ZNF407: variants seen among roughly 807,000 people sequenced by gnomAD.
The protein encoded by ZNF407 is zinc finger protein 407.
A neutral mutation model predicts 131.2 loss-of-function variants in ZNF407; 17 were observed. The ratio of observed to expected loss-of-function variants is 0.13; its 90% CI spans 0.09 to 0.19. The LOEUF is 0.19. Among genes scored for constraint, ZNF407 ranks in the 10% least tolerant of loss-of-function variants. ZNF407 has a pLI of 1.00. For missense variants in ZNF407, 2,681 were observed against 2,830.6 expected (o/e 0.95, Z 1.20); for synonymous variants, 1,156 against 1,062.0 (o/e 1.09, Z -1.72).
At chr18:74,917,162 T>G (rs549865369) in intron 7 of ZNF407, among the ~76,000 whole-genome samples, 1 of 152,254 alleles carries the variant, frequency 6.6e-6, no homozygotes, top group African/African-American at 2.4e-5. Flanking sequence ...ACCAGAATTG[T>G]GAAACCATTA....
chr18:74,669,183 C>G (rs1298608037), intron 3 of ZNF407, among the ~76,000 whole-genome samples: 1 of 152,202 alleles, frequency 6.6e-6, no homozygotes, highest in Non-Finnish European at 1.5e-5. Flanking sequence ...GCCTTCACAT[C>G]CTTTGCTGTC....
rs372971487 is a variant in ZNF407 at position 74,733,492 on chromosome 18, T to C, written c.4803-47936T>C. On this transcript the variant is annotated intron_variant, in intron 3 of 8. Coordinates refer to ENST00000299687, the MANE Select transcript of ZNF407 (RefSeq NM_017757.3). ...AAAAAATGTTATTGCTATTCCATTT[T>C]ATCTGTTTCTTATCATTTGATTTAG... Among the ~76,000 whole-genome samples the C allele has an allele frequency of 3.5e-4, 53 of 152,358 alleles. No homozygotes were observed. In the South Asian group the frequency reaches 0.011, roughly 32 times the overall value.
intron 4 of ZNF407, among the ~76,000 whole-genome samples, chr18:74,784,602 C>G (rs555834511): frequency 6.6e-6 from 1 of 152,196 alleles, no homozygotes; most frequent in African/African-American, 2.4e-5. Flanking sequence ...CAGTATCCTA[C>G]AGTATTTCTG....
At chr18:74,690,430 GT>G (rs928518984) in intron 3 of ZNF407, among the ~76,000 whole-genome samples, 2 of 130,930 alleles carry the variant, frequency 1.5e-5, no homozygotes, top group South Asian at 2.7e-4. Flanking sequence ...AGCTGGATTA[GT>G]TTTTTTTTGT....
At chr18:74,780,666 A>G (rs1187219273) in intron 3 of ZNF407, among the ~76,000 whole-genome samples, 1 of 152,152 alleles carries the variant, frequency 6.6e-6, no homozygotes, top group African/African-American at 2.4e-5. Flanking sequence ...GCTTATCCAG[A>G]GAGCCATTTT....
chr18:74,797,951 C>A (rs542082162), intron 4 of ZNF407, among the ~76,000 whole-genome samples: 48 of 151,892 alleles, frequency 3.2e-4, no homozygotes, highest in Admixed American at 5.9e-4. Flanking sequence ...TCCGTAAAGA[C>A]CAGCAGGAGG....
At chr18:74,850,090 CTT>C (rs1212844861) in intron 4 of ZNF407, among the ~76,000 whole-genome samples, 4 of 152,128 alleles carry the variant, frequency 2.6e-5, no homozygotes, top group African/African-American at 9.7e-5. Flanking sequence ...GATTGTGTCT[CTT>C]TTGTTGGAAG....
intron 3 of ZNF407, among the ~76,000 whole-genome samples, chr18:74,742,986 G>A (rs865989424): frequency 1.3e-5 from 2 of 152,094 alleles, no homozygotes; most frequent in Admixed American, 6.6e-5. Flanking sequence ...CAGCAAAGGC[G>A]GTGGATGGAT....
intron 4 of ZNF407, among the ~76,000 whole-genome samples, chr18:74,807,301 T>A (rs1167742368): frequency 6.6e-6 from 1 of 152,160 alleles, no homozygotes; most frequent in Non-Finnish European, 1.5e-5. Flanking sequence ...AGTGTTGGGC[T>A]GCATGTGCTG....
In ZNF407 at chr18:74,644,337, TGA is replaced by T. The variant is rs1287750959; in HGVS notation, c.4802+3222_4802+3223del. Among the ~76,000 whole-genome samples, 5 of 151,892 alleles carry T rather than the reference TGA, an allele frequency of 3.3e-5. No homozygotes were observed. The East Asian group carries it at 9.7e-4, about 29-fold the overall frequency. The stretch of plus-strand genomic sequence containing the variant: ...GTTATGACTCTGACATAGGGCTTAG[TGA>T]GAGAGAAAGTAAGAAATAATAGAAA... On this transcript the variant is annotated intron_variant, in intron 3 of 8. Coordinates refer to ENST00000299687, the MANE Select transcript of ZNF407 (RefSeq NM_017757.3).
intron 2 of ZNF407, among the ~76,000 whole-genome samples, chr18:74,636,920 A>G (rs1311057864): frequency 6.6e-6 from 1 of 152,258 alleles, no homozygotes; most frequent in African/African-American, 2.4e-5. Context: ...AGTTTTAGGA[A>G]TAAGACTTGT....
At chr18:74,749,423 A>G (rs1369396825) in intron 3 of ZNF407, among the ~76,000 whole-genome samples, 1 of 152,160 alleles carries the variant, frequency 6.6e-6, no homozygotes, top group African/African-American at 2.4e-5. Flanking sequence ...TTAGAAATTA[A>G]TGGTGCCCAT....
At chr18:75,004,157 T>C (rs1381292914) in intron 8 of ZNF407, among the ~76,000 whole-genome samples, 2 of 152,200 alleles carry the variant, frequency 1.3e-5, no homozygotes, top group African/African-American at 4.8e-5. Context: ...GCTCAGTTTG[T>C]GTGCGCCATG....
intron 4 of ZNF407, among the ~76,000 whole-genome samples, chr18:74,794,990 G>A (rs1969893282): frequency 6.6e-6 from 1 of 152,048 alleles, no homozygotes; most frequent in African/African-American, 2.4e-5. Context: ...GAAAATGCTT[G>A]TTTTTAGTCT....
In ZNF407 at chr18:74,957,739, C is replaced by G. The variant is rs143127046; in HGVS notation, c.5428+37047C>G. On this transcript the variant is annotated intron_variant, in intron 8 of 8. Transcript: ENST00000299687. Reference sequence around the variant, plus strand: ...TACAGACTGGGCGGGGATTTTAAAACTCTCTGAGCCTGTTTTATTTCCATA... The same window carrying G: ...TACAGACTGGGCGGGGATTTTAAAAGTCTCTGAGCCTGTTTTATTTCCATA... 2.8e-4 allele frequency among the ~76,000 whole-genome samples: 42 copies of G among 152,254 alleles called. No individual in the cohort carries two copies. The East Asian group carries it at 7.7e-3, about 28-fold the overall frequency.
chr18:74,973,317 T>C (rs1972493623), intron 8 of ZNF407, among the ~76,000 whole-genome samples: 1 of 152,186 alleles, frequency 6.6e-6, no homozygotes, highest in African/African-American at 2.4e-5. Context: ...TAGACAGTGT[T>C]CTAATTTTTG....
At chr18:74,729,447 T>G (rs1258358618) in intron 3 of ZNF407, among the ~76,000 whole-genome samples, 1 of 152,180 alleles carries the variant, frequency 6.6e-6, no homozygotes, top group Non-Finnish European at 1.5e-5. Flanking sequence ...ATAGTATGGA[T>G]TCTCATGTGC....
chr18:75,020,316 A>ATG (rs56845489), intron 8 of ZNF407, among the ~76,000 whole-genome samples: 21,175 of 149,608 alleles, frequency 0.14, 1,638 homozygotes, highest in Admixed American at 0.26. Context: ...GTGTATGTGC[A>ATG]TGTGTGTGTG....
rs1478471087 is a variant in ZNF407 at position 74,632,931 on chromosome 18, A to G, written c.1912A>G (p.Lys638Glu). The G allele has an allele frequency of 6.2e-7, 1 of 1,613,214 alleles. No homozygotes were observed. The highest frequency in any genetic ancestry group is 1.3e-5 in the African/African-American group (1 of 74,910). The change falls in exon 2 of 9, where the codon AAG becomes GAG. Residue 638 changes from lysine to glutamate, a missense_variant. Physicochemically the swap from Lys to Glu is moderately conservative, Grantham distance 56. Coordinates refer to ENST00000299687, the MANE Select transcript of ZNF407 (RefSeq NM_017757.3). ...TGTGGAAGAACACAAAGCCACCGAG[A>G]AGCATATTAATTCATTGGTTCAACC... ...KDVEEHKATE[K>E]HINSLVQPKT...
Sources: gnomAD v4.1 joint callset for allele counts (sites outside exome capture counted in the v4.1 genomes callset) on GRCh38, gnomAD v4.1.1 for gene constraint, MANE v1.5 for transcripts, NCBI Gene and HGNC (gene_info 2026-07-23, HGNC 2026-07-21) for gene names.